Variants in LY86 observed in about 807,000 individuals in gnomAD.
LY86 encodes lymphocyte antigen 86.
LY86 carries 20 observed loss-of-function variants against 17.3 expected under a neutral mutation model. The ratio of observed to expected loss-of-function variants is 1.15; its 90% CI spans 0.81 to 1.68. LY86 has a LOEUF of 1.68. Among genes scored for constraint, LY86 ranks in the 40% most tolerant of loss-of-function variants. The pLI is 0.00. For synonymous variants in LY86, 74 were observed against 70.6 expected (o/e 1.05, Z -0.24); for missense variants, 200 against 191.9 (o/e 1.04, Z -0.25).
chr6:6,611,025 C>A (rs2113114371), intron 1 of LY86, among the ~76,000 whole-genome samples: 1 of 152,290 alleles, frequency 6.6e-6, no homozygotes, highest in South Asian at 2.1e-4. Context: ...TCTTGTTTTT[C>A]CACTGTCCTT....
intron 3 of LY86, among the ~76,000 whole-genome samples, chr6:6,647,195 C>T (rs572931980): frequency 2.0e-5 from 3 of 152,320 alleles, no homozygotes; most frequent in South Asian, 4.1e-4. Flanking sequence ...GAGTAATATT[C>T]ATGCTTCTCT....
intron 1 of LY86, among the ~76,000 whole-genome samples, chr6:6,595,346 G>T (rs1392674943): frequency 7.4e-6 from 1 of 135,874 alleles, no homozygotes; most frequent in Non-Finnish European, 1.6e-5. Flanking sequence ...GAAATGAGAA[G>T]CAGGAGAGGA....
chr6:6,649,863 A>G (rs1166735551), intron 4 of LY86, among the ~76,000 whole-genome samples, 186 bp downstream of exon 4: 2 of 152,222 alleles, frequency 1.3e-5, no homozygotes, highest in African/African-American at 2.4e-5. Flanking sequence ...CAGAGTGGGC[A>G]CTTGAAATTT....
At chr6:6,628,213 G>A (rs1440457278) in intron 3 of LY86, among the ~76,000 whole-genome samples, 4 of 150,962 alleles carry the variant, frequency 2.6e-5, no homozygotes, top group Non-Finnish European at 5.9e-5. Context: ...GGCCAACCCC[G>A]AGCTCCTCAA....
chr6:6,611,778 C>CA (rs1280330771), intron 1 of LY86, among the ~76,000 whole-genome samples: 3 of 147,882 alleles, frequency 2.0e-5, no homozygotes, highest in East Asian at 2.0e-4. Flanking sequence ...CAGTGCCTAT[C>CA]AAACAGTACG....
intron 3 of LY86, among the ~76,000 whole-genome samples, chr6:6,627,025 C>G (rs1375317587): frequency 6.6e-6 from 1 of 152,144 alleles, no homozygotes; most frequent in Non-Finnish European, 1.5e-5. Context: ...CACCTGTCCC[C>G]ACCTCTCCTT....
chr6:6,606,168 C>A (rs1056722357), intron 1 of LY86, among the ~76,000 whole-genome samples: 9 of 152,102 alleles, frequency 5.9e-5, no homozygotes, highest in African/African-American at 2.2e-4. Context: ...CTGATTGGTG[C>A]GTTTACAATC....
intron 1 of LY86, among the ~76,000 whole-genome samples, chr6:6,622,241 C>T (rs750335267): frequency 5.3e-5 from 8 of 152,250 alleles, no homozygotes; most frequent in African/African-American, 1.7e-4. Flanking sequence ...TTCCTTCTCC[C>T]GCCCTTAGTT....
chr6:6,637,427 C>G (rs1044851165), intron 3 of LY86, among the ~76,000 whole-genome samples: 1 of 152,172 alleles, frequency 6.6e-6, no homozygotes, highest in Non-Finnish European at 1.5e-5. Flanking sequence ...TCAGTCAATT[C>G]TTTATGTTCC....
At chr6:6,593,589 T>C (rs1581228223) in intron 1 of LY86, among the ~76,000 whole-genome samples, 2 of 152,366 alleles carry the variant, frequency 1.3e-5, no homozygotes, top group Middle Eastern at 6.8e-3. Context: ...AATGTATCTT[T>C]GCTGCTGATG....
At chr6:6,635,772 G>C (rs762930827) in intron 3 of LY86, among the ~76,000 whole-genome samples, 8 of 152,150 alleles carry the variant, frequency 5.3e-5, no homozygotes, top group Non-Finnish European at 8.8e-5. Context: ...CATGTGCCTT[G>C]GCTCCTCTTC....
At chr6:6,630,788 C>G (rs76645808) in intron 3 of LY86, among the ~76,000 whole-genome samples, 2 of 152,132 alleles carry the variant, frequency 1.3e-5, no homozygotes, top group Non-Finnish European at 2.9e-5. Flanking sequence ...AGCCACAGGT[C>G]GCGACTGAGC....
intron 3 of LY86, among the ~76,000 whole-genome samples, chr6:6,645,568 C>T (rs957353725): frequency 5.3e-5 from 8 of 152,020 alleles, no homozygotes; most frequent in Non-Finnish European, 1.2e-4. Flanking sequence ...TGCCACCCTA[C>T]AGCAATTTGT....
chr6:6,637,773 T>C (rs903796609), intron 3 of LY86, among the ~76,000 whole-genome samples: 1 of 152,180 alleles, frequency 6.6e-6, no homozygotes, highest in Non-Finnish European at 1.5e-5. Context: ...CATTACTCTT[T>C]CCCAGGGTTG....
chr6:6,630,307 A>G (rs745674470), intron 3 of LY86, among the ~76,000 whole-genome samples: 49 of 152,248 alleles, frequency 3.2e-4, no homozygotes, highest in Non-Finnish European at 6.3e-4. Flanking sequence ...AGAGTTGCGT[A>G]GAATATCAAG....
At position 6,618,764 on chromosome 6, in the gene LY86, G is replaced by T. The variant is rs991369961; in HGVS notation, c.137-6162G>T. On this transcript the variant is annotated intron_variant, in intron 1 of 4. Coordinates refer to ENST00000230568, the MANE Select transcript of LY86 (RefSeq NM_004271.4). ...AAATGCTGGCATAAGAGAGTCAAAT[G>T]GGAGTGGAACTACTATTATTTGAAA... 4.6e-5 allele frequency among the ~76,000 whole-genome samples: 7 copies of T among 152,298 alleles called. No individual in the cohort carries two copies. In the South Asian group the frequency reaches 1.0e-3, roughly 23 times the overall value.
At chr6:6,620,570 C>G (rs1761650672) in intron 1 of LY86, among the ~76,000 whole-genome samples, 1 of 152,212 alleles carries the variant, frequency 6.6e-6, no homozygotes, top group South Asian at 2.1e-4. Flanking sequence ...CCACCATCCT[C>G]TGCTGAGGAA....
chr6:6,598,960 G>A (rs948791681), intron 1 of LY86, among the ~76,000 whole-genome samples: 109 of 152,268 alleles, frequency 7.2e-4, no homozygotes, highest in African/African-American at 2.5e-3. Flanking sequence ...TTTGACTGTT[G>A]CCTGATATTC....
chr6:6,605,834 G>A (rs968223912), intron 1 of LY86, among the ~76,000 whole-genome samples: 1 of 151,980 alleles, frequency 6.6e-6, no homozygotes, highest in Admixed American at 6.5e-5. Context: ...GACTTTCCCG[G>A]TGAATGTTAC....
Sources: allele counts gnomAD v4.1 joint callset (sites outside exome capture counted in the v4.1 genomes callset), GRCh38; gene constraint gnomAD v4.1.1; transcripts MANE v1.5; gene names NCBI Gene and HGNC (gene_info 2026-07-23, HGNC 2026-07-21).